Variants in PIANP observed in about 807,000 individuals in gnomAD.
PIANP encodes the protein PILR alpha associated neural protein, also known as PILR alpha-associated neural protein.
Under a neutral mutation model 28.9 loss-of-function variants are expected in PIANP, and 14 were observed. The ratio of observed to expected loss-of-function variants is 0.49; its 90% CI spans 0.32 to 0.76. The LOEUF (loss-of-function observed/expected upper bound fraction) is 0.76, where lower values mean the gene tolerates loss of function less well. Ranked by LOEUF, PIANP falls within the 30% of genes least tolerant of loss-of-function variation. PIANP has a pLI of 0.03. For missense variants in PIANP, 322 were observed against 371.8 expected (o/e 0.87, Z 1.10); for synonymous variants, 149 against 156.6 (o/e 0.95, Z 0.36).
downstream of PIANP, among the ~76,000 whole-genome samples, chr12:6,693,160 C>A (rs1959738566): frequency 6.6e-6 from 1 of 152,024 alleles, no homozygotes; most frequent in African/African-American, 2.4e-5. Flanking sequence ...GGTGACTGAT[C>A]CCAGCTGGGC....
intron 1 of PIANP, chr12:6,698,460 T>A (rs1217069698): frequency 3.8e-6 from 1 of 265,680 alleles, no homozygotes; most frequent in Non-Finnish European, 7.4e-6. Context: ...CACCTACCGC[T>A]AGGGAGGGAG....
chr12:6,695,252 G>T lies in PIANP; in HGVS notation c.*174C>A, dbSNP rs1338434257. Reference sequence around the variant, plus strand: ...AATAGGACACAGATCCTGAGAGACTGGGAGAAGGAAGGGTGCCTCCCAGAG... The same window carrying T: ...AATAGGACACAGATCCTGAGAGACTTGGAGAAGGAAGGGTGCCTCCCAGAG... On this transcript the variant is annotated 3_prime_UTR_variant, in exon 5 of 5. Coordinates refer to ENST00000534837, the MANE Select transcript of PIANP (RefSeq NM_001244014.2). The surrounding 1 kb of genome is among the most constrained non-coding windows in gnomAD (Gnocchi z 4.2). 2 of 1,401,126 alleles carry T rather than the reference G, an allele frequency of 1.4e-6. No homozygotes were observed. The allele number at this position is 1,401,126 out of a possible 1,614,324, so 86.8% of individuals were successfully genotyped here. A position where few individuals can be genotyped will look rare whatever the true frequency, so the allele number is the denominator to read the frequency against.
Position 6,697,147 on chromosome 12 carries a change from C to A in PIANP, c.523+140G>T, listed in dbSNP as rs1436922437. The A allele has an allele frequency of 2.4e-6, 3 of 1,273,694 alleles. No individual in the cohort carries two copies. The highest frequency in any genetic ancestry group is 3.2e-6 in the Non-Finnish European group (3 of 936,690). The allele number at this position is 1,273,694 out of a possible 1,614,324, so 78.9% of individuals were successfully genotyped here. A position where few individuals can be genotyped will look rare whatever the true frequency, so the allele number is the denominator to read the frequency against. ...GTGGACCTGAACTCCGAGAGGGTGTCTTTATCTCTGCATCCTGTGCCAGTA... is the reference window on the plus strand; with the variant it reads ...GTGGACCTGAACTCCGAGAGGGTGTATTTATCTCTGCATCCTGTGCCAGTA... On this transcript the variant is annotated intron_variant, in intron 3 of 4. Coordinates refer to ENST00000534837, the MANE Select transcript of PIANP (RefSeq NM_001244014.2). The surrounding 1 kb of genome is among the most constrained non-coding windows in gnomAD (Gnocchi z 6.9).
downstream of PIANP, among the ~76,000 whole-genome samples, chr12:6,693,473 A>G (rs1219692042): frequency 6.6e-6 from 1 of 151,810 alleles, no homozygotes; most frequent in East Asian, 1.9e-4. Flanking sequence ...TTCCGCCTTG[A>G]TCCACCTCCT....
intron 1 of PIANP, 51 bp from the exon 2 acceptor site, chr12:6,698,155 C>G (rs1163068709): frequency 2.2e-6 from 3 of 1,392,142 alleles, no homozygotes; most frequent in Non-Finnish European, 3.0e-6. Flanking sequence ...GTGTACTTCC[C>G]CAGCTAATTC....
chr12:6,696,331 G>T lies in PIANP; in HGVS notation c.605+112C>A. 1 of 736,754 alleles carries T rather than the reference G, an allele frequency of 1.4e-6. No homozygotes were observed. The highest frequency in any genetic ancestry group is 2.1e-6 in the Non-Finnish European group (1 of 466,414). 45.6% of individuals were successfully genotyped at this position (736,754 alleles called of 1,614,324 possible). A position where few individuals can be genotyped will look rare whatever the true frequency, so the allele number is the denominator to read the frequency against. On this transcript the variant is annotated intron_variant, in intron 4 of 4. Coordinates refer to ENST00000534837, the MANE Select transcript of PIANP (RefSeq NM_001244014.2). The surrounding 1 kb of genome is among the most constrained non-coding windows in gnomAD (Gnocchi z 4.0). ...TTTCCCAAGGTCTTGCCTTCATCCAGCATTTCCCACCCACCCCCCAGCAAA... is the reference window on the plus strand; with the variant it reads ...TTTCCCAAGGTCTTGCCTTCATCCATCATTTCCCACCCACCCCCCAGCAAA...
Position 6,695,743 on chromosome 12 carries a change from C to T in PIANP, c.606-92G>A. 7.5e-7 allele frequency: 1 copy of T among 1,328,192 alleles called. No individual in the cohort carries two copies. The highest frequency in any genetic ancestry group is 9.8e-7 in the Non-Finnish European group (1 of 1,025,118). 82.3% of individuals were successfully genotyped at this position (1,328,192 alleles called of 1,614,324 possible). ...GTGGTCACCCCCAGCCTCGCCCAGT[C>T]ACTCCCAACATCTTATAGCAGAGAA... is the stretch of plus-strand genomic sequence containing the variant. On this transcript the variant is annotated intron_variant, in intron 4 of 4. Transcript: ENST00000534837. The surrounding 1 kb of genome is among the most constrained non-coding windows in gnomAD (Gnocchi z 4.2).
intron 1 of PIANP, among the ~76,000 whole-genome samples, chr12:6,699,127 C>T (rs1959970752): frequency 6.6e-6 from 1 of 152,064 alleles, no homozygotes; most frequent in Non-Finnish European, 1.5e-5. Flanking sequence ...GCCTGCAATC[C>T]CAGCTATTCA....
chr12:6,699,487 A>C (rs1019076450), intron 1 of PIANP, among the ~76,000 whole-genome samples: 1 of 151,798 alleles, frequency 6.6e-6, no homozygotes, highest in Non-Finnish European at 1.5e-5. Context: ...GGAAGAGAGG[A>C]GGAGAGTGGG....
Position 6,697,830 on chromosome 12 carries a change from T to C in PIANP, c.18-38A>G. The C allele has an allele frequency of 6.6e-7, 1 of 1,504,602 alleles. No individual in the cohort carries two copies. The highest frequency in any genetic ancestry group is 8.9e-7 in the Non-Finnish European group (1 of 1,127,478). 93.2% of individuals were successfully genotyped at this position (1,504,602 alleles called of 1,614,324 possible). A position where few individuals can be genotyped will look rare whatever the true frequency, so the allele number is the denominator to read the frequency against. ...AGAGAGCGTGGCTGAGACACAGGCC[T>C]ACTGTGGGCCTATGTGAGGGAGGGA... On this transcript the variant is annotated intron_variant, in intron 2 of 4. Coordinates refer to ENST00000534837, the MANE Select transcript of PIANP (RefSeq NM_001244014.2). The surrounding 1 kb of genome is among the most constrained non-coding windows in gnomAD (Gnocchi z 6.9).
rs1480351912 is a variant in PIANP at position 6,696,389 on chromosome 12, C to T, written c.605+54G>A. 7.7e-6 allele frequency: 11 copies of T among 1,424,536 alleles called. No individual in the cohort carries two copies. Among genetic ancestry groups the T allele is most frequent in the South Asian group, 2.8e-5 (2 of 71,494 alleles). 88.2% of individuals were successfully genotyped at this position (1,424,536 alleles called of 1,614,324 possible). A position where few individuals can be genotyped will look rare whatever the true frequency, so the allele number is the denominator to read the frequency against. The stretch of plus-strand genomic sequence containing the variant: ...CCACTGCCCCTCGTGGTTAGAGCCT[C>T]GACTGCCAAACATTCCGTCCCCATC... On this transcript the variant is annotated intron_variant, in intron 4 of 4. Coordinates refer to ENST00000534837, the MANE Select transcript of PIANP (RefSeq NM_001244014.2). This position sits in a 1 kb window ranked among gnomAD's most constrained non-coding sequence, Gnocchi z 4.0.
At position 6,695,205 on chromosome 12, in the gene PIANP, G is replaced by A. The variant is rs1959814910; in HGVS notation, c.*221C>T. ...ATGAGAAAAAACCAAAGAGGGCAGA[G>A]TTGGAGTTATGGGCAGCAGAGAATA... is the stretch of plus-strand genomic sequence containing the variant. On this transcript the variant is annotated 3_prime_UTR_variant, in exon 5 of 5. Transcript: ENST00000534837. The surrounding 1 kb of genome is among the most constrained non-coding windows in gnomAD (Gnocchi z 4.2). 1.4e-6 allele frequency: 2 copies of A among 1,453,822 alleles called. No individual in the cohort carries two copies. The highest frequency in any genetic ancestry group is 9.1e-7 in the Non-Finnish European group (1 of 1,096,476). The allele number at this position is 1,453,822 out of a possible 1,614,324, so 90.1% of individuals were successfully genotyped here. A position where few individuals can be genotyped will look rare whatever the true frequency, so the allele number is the denominator to read the frequency against.
At chr12:6,699,561 G>C (rs1289446145) in intron 1 of PIANP, among the ~76,000 whole-genome samples, 1 of 151,932 alleles carries the variant, frequency 6.6e-6, no homozygotes, top group African/African-American at 2.4e-5. Context: ...AGGTCAGGGA[G>C]GGGAAACGGA....
At position 6,696,743 on chromosome 12, in the gene PIANP, A is replaced by G. The variant is rs1024217115; in HGVS notation, c.524-219T>C. Among the ~76,000 whole-genome samples, 1 of 152,080 alleles carries G rather than the reference A, an allele frequency of 6.6e-6. No homozygotes were observed. The highest frequency in any genetic ancestry group is 1.5e-5 in the Non-Finnish European group (1 of 68,018). On this transcript the variant is annotated intron_variant, in intron 3 of 4. Coordinates refer to ENST00000534837, the MANE Select transcript of PIANP (RefSeq NM_001244014.2). This position sits in a 1 kb window ranked among gnomAD's most constrained non-coding sequence, Gnocchi z 4.0. ...CCACTTTCCCAAATGTATTTCACCA[A>G]ATCTTATGTGTATATGTGATGAGGA...
Position 6,696,475 on chromosome 12 carries a change from A to C in PIANP, c.573T>G (p.Val191=), listed in dbSNP as rs990527843. The change falls in exon 4 of 5, where the codon GTT becomes GTG. Residue 191 remains valine (V), a synonymous_variant. Transcript: ENST00000534837. The surrounding 1 kb of genome is among the most constrained non-coding windows in gnomAD (Gnocchi z 4.0). Reference sequence around the variant, plus strand: ...TGAAGATGATGCCAGTGGCCACGAGAACAATGATGATGGAGATGGTAATTG... The same window carrying C: ...TGAAGATGATGCCAGTGGCCACGAGCACAATGATGATGGAGATGGTAATTG... ...YVTITISIII[V]LVATGIIFKF... The C allele has an allele frequency of 3.7e-6, 6 of 1,602,140 alleles. No individual in the cohort carries two copies. Among genetic ancestry groups the C allele is most frequent in the Non-Finnish European group, 5.1e-6 (6 of 1,174,910 alleles).
chr12:6,698,240 T>C, intron 1 of PIANP, 136 bp from the exon 2 acceptor site: 1 of 719,534 alleles, frequency 1.4e-6, no homozygotes, highest in African/African-American at 1.8e-5. Flanking sequence ...CAGGATTCAC[T>C]GGTTGTTAGC....
intron 1 of PIANP, among the ~76,000 whole-genome samples, chr12:6,699,325 G>C (rs921216788): frequency 1.3e-5 from 2 of 152,182 alleles, no homozygotes; most frequent in African/African-American, 4.8e-5. Flanking sequence ...CACGGGAAGG[G>C]CGTGGGGAAG....
In PIANP at chr12:6,694,840, T is replaced by C. The variant is rs541298355; in HGVS notation, c.*586A>G. The C allele has an allele frequency of 2.8e-5, 17 of 611,542 alleles. No individual in the cohort carries two copies. Among genetic ancestry groups the C allele is most frequent in the African/African-American group, 9.3e-5 (5 of 54,006 alleles). The allele number at this position is 611,542 out of a possible 1,614,324, so 37.9% of individuals were successfully genotyped here. On this transcript the variant is annotated 3_prime_UTR_variant, in exon 5 of 5. Transcript: ENST00000534837. The surrounding 1 kb of genome is among the most constrained non-coding windows in gnomAD (Gnocchi z 6.1). Reference sequence around the variant, plus strand: ...GGACAGGGACCCGAAGTCACAGATATGTGAGGCCCCCACCTGCAGGAGGGC... The same window carrying C: ...GGACAGGGACCCGAAGTCACAGATACGTGAGGCCCCCACCTGCAGGAGGGC...
In PIANP at chr12:6,696,618, G is replaced by C. The variant is rs1959872015; in HGVS notation, c.524-94C>G. The C allele has an allele frequency of 2.4e-6, 2 of 848,810 alleles. No individual in the cohort carries two copies. Among genetic ancestry groups the C allele is most frequent in the African/African-American group, 3.5e-5 (2 of 57,088 alleles). The allele number at this position is 848,810 out of a possible 1,614,324, so 52.6% of individuals were successfully genotyped here. A position where few individuals can be genotyped will look rare whatever the true frequency, so the allele number is the denominator to read the frequency against. ...GGCTGTGGGCTCTGTCGGCTGGAGTGGCATTGCTGTGTGGATCCACACTGC... is the reference window on the plus strand; with the variant it reads ...GGCTGTGGGCTCTGTCGGCTGGAGTCGCATTGCTGTGTGGATCCACACTGC... On this transcript the variant is annotated intron_variant, in intron 3 of 4. Transcript: ENST00000534837. The surrounding 1 kb of genome is among the most constrained non-coding windows in gnomAD (Gnocchi z 4.0).
Sources: gnomAD v4.1 joint callset for allele counts (sites outside exome capture counted in the v4.1 genomes callset) on GRCh38, gnomAD v4.1.1 for gene constraint, Gnocchi (gnomAD v3.1) non-coding constraint, MANE v1.5 for transcripts, NCBI Gene and HGNC (gene_info 2026-07-23, HGNC 2026-07-21) for gene names.